Variants in C2CD5 observed in about 807,000 individuals in gnomAD.
C2CD5 encodes the protein C2 calcium dependent domain containing 5.
Under a neutral mutation model 130.3 loss-of-function variants are expected in C2CD5, and 109 were observed. The observed-to-expected ratio is 0.84, with a 90% CI of 0.72 to 0.98. The LOEUF (loss-of-function observed/expected upper bound fraction) is 0.98, where lower values mean the gene tolerates loss of function less well. Ranked by LOEUF, C2CD5 falls within the 50% of genes least tolerant of loss-of-function variation. The pLI, the probability that C2CD5 is intolerant of heterozygous loss-of-function variation, is 0.00. For missense variants in C2CD5, 996 were observed against 1,261.8 expected, an observed-to-expected ratio of 0.79 and a Z score of 3.19; for synonymous variants, 454 against 429.2, an observed-to-expected ratio of 1.06 and a Z score of -0.71.
chr12:22,507,885 A>T (rs1355126171), intron 9 of C2CD5, among the ~76,000 whole-genome samples: 3 of 152,194 alleles, frequency 2.0e-5, no homozygotes, highest in Non-Finnish European at 4.4e-5. Context: ...ACTCCCACAG[A>T]TCATATTCAT....
chr12:22,536,192 C>T (rs1240490760), intron 2 of C2CD5, among the ~76,000 whole-genome samples: 11 of 151,026 alleles, frequency 7.3e-5, no homozygotes, highest in African/African-American at 2.7e-4. Flanking sequence ...TCTGTATATG[C>T]GCACATTATT....
chr12:22,538,181 A>C (rs867990031), intron 2 of C2CD5, among the ~76,000 whole-genome samples: 2 of 152,204 alleles, frequency 1.3e-5, no homozygotes, highest in Middle Eastern at 3.2e-3. Context: ...TCTTTGTGTA[A>C]AAGTCAACTG....
At chr12:22,451,918 A>G (rs1246966795) in intron 26 of C2CD5, among the ~76,000 whole-genome samples, 3 of 152,160 alleles carry the variant, frequency 2.0e-5, no homozygotes, top group African/African-American at 7.2e-5. Flanking sequence ...CAGTGCTTAC[A>G]ATCCACCAGC....
chr12:22,497,907 TACACACACACACACACACACAC>T (rs3063916), intron 10 of C2CD5, among the ~76,000 whole-genome samples: 2 of 145,614 alleles, frequency 1.4e-5, no homozygotes, highest in East Asian at 2.2e-4. Flanking sequence ...TGCACACACA[TACACACACACACACACACACAC>T]ACACACACAC....
In C2CD5 at chr12:22,517,259, C is replaced by G. The variant is rs141045306; in HGVS notation, c.952+727G>C. On this transcript the variant is annotated intron_variant, in intron 8 of 26. Coordinates refer to ENST00000446597, the MANE Select transcript of C2CD5 (RefSeq NM_001286176.2). ...AATACTATTTATAAAAATTTCATCA[C>G]TATTAAGTTTTTAAATTTATTTTAA... 4.4e-3 allele frequency among the ~76,000 whole-genome samples: 674 copies of G among 151,478 alleles called. 12 individuals are homozygous for G. In the East Asian group the frequency reaches 0.05, roughly 11 times the overall value.
intron 11 of C2CD5, 84 bp from the exon 12 acceptor site, chr12:22,490,302 A>T: frequency 1.1e-6 from 1 of 909,098 alleles, no homozygotes; most frequent in Non-Finnish European, 1.7e-6. Context: ...TAATTATAAC[A>T]GTGACAATTT....
At position 22,535,271 on chromosome 12, in the gene C2CD5, C is replaced by A; in HGVS notation, c.164G>T (p.Trp55Leu). 6.3e-7 allele frequency: 1 copy of A among 1,599,122 alleles called. No individual in the cohort carries two copies. The highest frequency in any genetic ancestry group is 8.6e-7 in the Non-Finnish European group (1 of 1,168,096). ...TTAAAAACTTACCTCAAATTTAAAC[C>A]ACTCCGAGTTCCACTGAGGGTTGAG... ...KSLNPQWNSE[W>L]FKFEVDDEDL... The change falls in exon 3 of 27, where the codon TGG (tryptophan) becomes TTG (leucine). Residue 55 changes from tryptophan to leucine, a missense_variant. Around this residue, in one of 9 missense-constraint regions of C2CD5, gnomAD observed 68 missense variants for 154.5 expected, o/e 0.44. Coordinates refer to ENST00000446597, the MANE Select transcript of C2CD5 (RefSeq NM_001286176.2).
intron 10 of C2CD5, among the ~76,000 whole-genome samples, chr12:22,497,967 A>G (rs189214735): frequency 4.0e-5 from 6 of 151,654 alleles, no homozygotes; most frequent in Non-Finnish European, 4.4e-5. Context: ...TCATTACTCT[A>G]AAATTACTGG....
intron 6 of C2CD5, among the ~76,000 whole-genome samples, chr12:22,523,874 T>C (rs1421200060): frequency 6.6e-6 from 1 of 150,632 alleles, no homozygotes; most frequent in Non-Finnish European, 1.5e-5. Flanking sequence ...AAAACAAATA[T>C]ATTTGCTATA....
chr12:22,511,051 T>C (rs1244196879), intron 9 of C2CD5, among the ~76,000 whole-genome samples: 1 of 152,052 alleles, frequency 6.6e-6, no homozygotes, highest in Admixed American at 6.5e-5. Context: ...TATCTCTATT[T>C]CTCATCTCCC....
At chr12:22,471,897 C>T in intron 19 of C2CD5, 70 bp downstream of exon 19, 1 of 849,644 alleles carries the variant, frequency 1.2e-6, no homozygotes, top group South Asian at 1.4e-5. Flanking sequence ...ACAGACAATA[C>T]AGCAATATAG....
intron 12 of C2CD5, among the ~76,000 whole-genome samples, chr12:22,488,167 A>G (rs1304576062): frequency 6.6e-6 from 1 of 152,194 alleles, no homozygotes; most frequent in African/African-American, 2.4e-5. Flanking sequence ...CACGTTGTGC[A>G]CATGTACCCT....
At chr12:22,533,610 G>A (rs1268006661) in intron 3 of C2CD5, among the ~76,000 whole-genome samples, 1 of 152,130 alleles carries the variant, frequency 6.6e-6, no homozygotes, top group East Asian at 1.9e-4. Context: ...GACTTCCTAA[G>A]AAGAGCACAA....
Position 22,471,989 on chromosome 12 carries a change from T to C in C2CD5, c.2246A>G (p.Asp749Gly). 6.2e-7 allele frequency: 1 copy of C among 1,605,520 alleles called. No individual in the cohort carries two copies. The highest frequency in any genetic ancestry group is 8.5e-7 in the Non-Finnish European group (1 of 1,172,854). Reference protein sequence around the residue: ...TNQALNKNFNDLCENLLKSLY... With the variant: ...TNQALNKNFNGLCENLLKSLY... ...TACCTTGAGCAAATTTTCACAGAGA[T>C]CATTAAAGTTCTTATTGAGAGCTTG... The change falls in exon 19 of 27, where the codon GAT (aspartate) becomes GGT (glycine). Residue 749 changes from aspartate (D) to glycine (G), a missense_variant. Around this residue, in one of 9 missense-constraint regions of C2CD5, gnomAD observed 590 missense variants for 631.4 expected, o/e 0.93. Coordinates refer to ENST00000446597, the MANE Select transcript of C2CD5 (RefSeq NM_001286176.2).
chr12:22,476,914 A>G (rs1014639794), intron 15 of C2CD5, among the ~76,000 whole-genome samples: 11 of 152,172 alleles, frequency 7.2e-5, no homozygotes, highest in Admixed American at 2.0e-4. Flanking sequence ...ATATCAAAAT[A>G]TAACTACCAA....
intron 3 of C2CD5, among the ~76,000 whole-genome samples, chr12:22,528,438 A>G (rs535230784): frequency 6.6e-6 from 1 of 152,196 alleles, no homozygotes; most frequent in Non-Finnish European, 1.5e-5. Context: ...TCATATGCCA[A>G]ACACTGTGCC....
chr12:22,493,130 T>C, intron 11 of C2CD5, 93 bp downstream of exon 11: 1 of 719,526 alleles, frequency 1.4e-6, no homozygotes, highest in South Asian at 2.0e-5. Context: ...AACACTTCGC[T>C]ATTCTCTTTT....
chr12:22,515,184 T>C (rs1419998765), intron 8 of C2CD5: 1 of 932,124 alleles, frequency 1.1e-6, no homozygotes, highest in Non-Finnish European at 1.3e-6. Flanking sequence ...AAGATGCAGA[T>C]TCAGAAGATG....
intron 14 of C2CD5, among the ~76,000 whole-genome samples, chr12:22,480,670 AC>A (rs1166879887): frequency 2.6e-5 from 4 of 152,194 alleles, no homozygotes; most frequent in Non-Finnish European, 5.9e-5. Flanking sequence ...ATGCATAGGC[AC>A]CCACCAATCA....
Sources: allele counts gnomAD v4.1 joint callset (sites outside exome capture counted in the v4.1 genomes callset), GRCh38; gene constraint gnomAD v4.1.1; regional missense constraint gnomAD v4.1.1; transcripts MANE v1.5; gene names NCBI Gene and HGNC (gene_info 2026-07-23, HGNC 2026-07-21).